Variants in COL16A1 observed in about 807,000 individuals in gnomAD.
The protein encoded by COL16A1 is collagen type XVI alpha 1 chain, also known as collagen alpha-1(XVI) chain.
Under a neutral mutation model 266.3 loss-of-function variants are expected in COL16A1, and 189 were observed. That is an observed-to-expected ratio of 0.71 (90% CI 0.63 to 0.80). COL16A1 has a LOEUF of 0.80. COL16A1 is among the 30% of genes least tolerant of loss of function. The pLI, the probability that COL16A1 is intolerant of heterozygous loss-of-function variation, is 0.00. For missense variants in COL16A1, 1,928 were observed against 2,122.4 expected (o/e 0.91, Z 1.80); for synonymous variants, 740 against 782.3 (o/e 0.95, Z 0.90).
Position 31,670,747 on chromosome 1 carries a change from C to A in COL16A1, c.3151-101G>T. 1.0e-6 allele frequency: 1 copy of A among 966,120 alleles called. No individual in the cohort carries two copies. Among genetic ancestry groups the A allele is most frequent in the South Asian group, 2.8e-5 (1 of 35,956 alleles). The allele number at this position is 966,120 out of a possible 1,614,324, so 59.8% of individuals were successfully genotyped here. The stretch of plus-strand genomic sequence containing the variant: ...CTTGGGGGTCATGGGGAGAGGAGGT[C>A]ATGGGAGTATTTTCAAGGCAGCTGG... On this transcript the variant is annotated intron_variant, in intron 48 of 70. Transcript: ENST00000373672. This position sits in a 1 kb window ranked among gnomAD's most constrained non-coding sequence, Gnocchi z 4.5.
At position 31,653,484 on chromosome 1, in the gene COL16A1, G is replaced by T. The variant is rs571964851; in HGVS notation, c.4612+115C>A. On this transcript the variant is annotated intron_variant, in intron 70 of 70. Transcript: ENST00000373672. ...CACACAGTGGCATTCCTATAAATGT[G>T]GTTGACTGGCCTGTCGTTATTTGGA... 163 of 1,239,140 alleles carry T rather than the reference G, an allele frequency of 1.3e-4. No homozygotes were observed. The African/African-American group carries it at 2.2e-3, about 17-fold the overall frequency. The allele number at this position is 1,239,140 out of a possible 1,614,324, so 76.8% of individuals were successfully genotyped here.
In COL16A1 at chr1:31,685,391, T is replaced by C. The variant is rs1353128935; in HGVS notation, c.2016+248A>G. On this transcript the variant is annotated intron_variant, in intron 29 of 70. Transcript: ENST00000373672. This position sits in a 1 kb window ranked among gnomAD's most constrained non-coding sequence, Gnocchi z 4.0. ...GACTTAGTAAGAAGCAAAGCTAAGA[T>C]TGGAACCCAGGTCTCTCTGCTCCTA... Among the ~76,000 whole-genome samples the C allele has an allele frequency of 6.6e-6, 1 of 152,166 alleles. No individual in the cohort carries two copies. Among genetic ancestry groups the C allele is most frequent in the Non-Finnish European group, 1.5e-5 (1 of 68,020 alleles).
Position 31,668,014 on chromosome 1 carries a change from G to A in COL16A1, c.3303+151C>T. On this transcript the variant is annotated intron_variant, in intron 51 of 70. Coordinates refer to ENST00000373672, the MANE Select transcript of COL16A1 (RefSeq NM_001856.4). This position sits in a 1 kb window ranked among gnomAD's most constrained non-coding sequence, Gnocchi z 5.8. ...GCCAAGGGGGCCTACAGTGGGGAGA[G>A]GGGGCTGCATGGACTTTAGGCAAAG... 3.1e-6 allele frequency: 2 copies of A among 655,424 alleles called. No individual in the cohort carries two copies. The highest frequency in any genetic ancestry group is 3.8e-5 in the South Asian group (2 of 52,032). The allele number at this position is 655,424 out of a possible 1,614,324, so 40.6% of individuals were successfully genotyped here. A position where few individuals can be genotyped will look rare whatever the true frequency, so the allele number is the denominator to read the frequency against.
chr1:31,700,101 G>C lies in COL16A1; in HGVS notation c.88C>G (p.Pro30Ala), dbSNP rs748475005. 54 of 1,614,076 alleles carry C rather than the reference G, an allele frequency of 3.3e-5. No homozygotes were observed. The highest frequency in any genetic ancestry group is 4.4e-5 in the Non-Finnish European group (52 of 1,180,044). ...HGANTGAQCP[P>A]SQQEGLKLEH... ...AATTTGAGTCCTTCCTGCTGTGAAGGTGGGCATTGTGCACCTAGAAGAGAA... is the reference window on the plus strand; with the variant it reads ...AATTTGAGTCCTTCCTGCTGTGAAGCTGGGCATTGTGCACCTAGAAGAGAA... Residue 30 changes from proline (P) to alanine (A), a missense_variant, in exon 3 of 71, where the codon CCT becomes GCT. Pro to Ala is a conservative substitution (Grantham distance 27). Coordinates refer to ENST00000373672, the MANE Select transcript of COL16A1 (RefSeq NM_001856.4).
chr1:31,681,083 C>G lies in COL16A1; in HGVS notation c.2539-16G>C, dbSNP rs769594635. ...CATCACGGCCCTGAAGAGAGAGAGC[C>G]CAGAGTCAGAGGGTGAGACTGGGCA... On this transcript the variant is annotated splice_polypyrimidine_tract_variant and intron_variant, in intron 37 of 70. Coordinates refer to ENST00000373672, the MANE Select transcript of COL16A1 (RefSeq NM_001856.4). The G allele has an allele frequency of 6.2e-6, 10 of 1,608,374 alleles. No individual in the cohort carries two copies. The South Asian group carries it at 1.1e-4, about 18-fold the overall frequency.
In COL16A1 at chr1:31,689,066, C is replaced by G. The variant is rs1461828877; in HGVS notation, c.1640G>C (p.Gly547Ala). 1 of 1,613,908 alleles carries G rather than the reference C, an allele frequency of 6.2e-7. No homozygotes were observed. The highest frequency in any genetic ancestry group is 8.5e-7 in the Non-Finnish European group (1 of 1,180,014). ...TTCCCTCACCTTCTCTCCTTTGATGCCTTGGATGCCAGGGTCTCCCTGCAG... is the reference window on the plus strand; with the variant it reads ...TTCCCTCACCTTCTCTCCTTTGATGGCTTGGATGCCAGGGTCTCCCTGCAG... Reference protein sequence around the residue: ...VPARGDPGIQGIKGEKGEPCL... With the variant: ...VPARGDPGIQAIKGEKGEPCL... The change falls in exon 24 of 71, where the codon GGC (glycine) becomes GCC (alanine). Residue 547 changes from glycine to alanine, a missense_variant. Gly to Ala is a moderately conservative substitution (Grantham distance 60, BLOSUM62 0). Transcript: ENST00000373672.
At chr1:31,662,082 G>A (rs1641719735) in intron 58 of COL16A1, among the ~76,000 whole-genome samples, 1 of 152,126 alleles carries the variant, frequency 6.6e-6, no homozygotes, top group South Asian at 2.1e-4. Context: ...CATACATCAT[G>A]CCTTCACCAT....
In COL16A1 at chr1:31,692,586, T is replaced by C. The variant is rs769373227; in HGVS notation, c.1158+12A>G. On this transcript the variant is annotated intron_variant, in intron 15 of 70. Coordinates refer to ENST00000373672, the MANE Select transcript of COL16A1 (RefSeq NM_001856.4). ...CCCACCATCCCTGCCCTATCCCTGG[T>C]CCCACACTCACCAGAGCTCCTGACT... 11 of 1,613,956 alleles carry C rather than the reference T, an allele frequency of 6.8e-6. No homozygotes were observed. The highest frequency in any genetic ancestry group is 9.3e-6 in the Non-Finnish European group (11 of 1,179,984).
Position 31,657,278 on chromosome 1 carries a change from C to G in COL16A1, c.4021-210G>C. ...GTGATCCCAGAGCCCCAACAGCTCC[C>G]AGCCCCCGTCTACAAGAGCTTTACA... On this transcript the variant is annotated intron_variant, in intron 64 of 70. Coordinates refer to ENST00000373672, the MANE Select transcript of COL16A1 (RefSeq NM_001856.4). The surrounding 1 kb of genome is among the most constrained non-coding windows in gnomAD (Gnocchi z 6.4). 1 of 606,418 alleles carries G rather than the reference C, an allele frequency of 1.6e-6. No homozygotes were observed. The highest frequency in any genetic ancestry group is 2.8e-5 in the East Asian group (1 of 36,258). The allele number at this position is 606,418 out of a possible 1,614,324, so 37.6% of individuals were successfully genotyped here.
At chr1:31,659,128 C>T (rs1232723818) in intron 62 of COL16A1, among the ~76,000 whole-genome samples, 164 bp from the exon 63 acceptor site, 1 of 152,222 alleles carries the variant, frequency 6.6e-6, no homozygotes, top group Admixed American at 6.5e-5. Context: ...ACAAGATTTG[C>T]GCCCAGAGCT....
In COL16A1 at chr1:31,690,541, AG is replaced by A. The variant is rs1557680737; in HGVS notation, c.1469del (p.Pro490LeufsTer10). ...GSSGIPGKEG[P>X]GGKPGKPGVK... ...TGGTGTCACTCACAGGTTTCCCACCAGGGCCTTCCTTTCCTGGGATCCCCGA... is the reference window on the plus strand; with the variant it reads ...TGGTGTCACTCACAGGTTTCCCACCAGGCCTTCCTTTCCTGGGATCCCCGA... On this transcript the variant is annotated frameshift_variant, in exon 21 of 71. Transcript: ENST00000373672. LOFTEE classifies it high-confidence loss of function. 2.5e-6 allele frequency: 4 copies of A among 1,613,788 alleles called. No individual in the cohort carries two copies. The highest frequency in any genetic ancestry group is 3.4e-6 in the Non-Finnish European group (4 of 1,179,890).
At chr1:31,674,022 G>A (rs1392069349) in intron 44 of COL16A1, among the ~76,000 whole-genome samples, 1 of 152,206 alleles carries the variant, frequency 6.6e-6, no homozygotes, top group Admixed American at 6.5e-5. Context: ...GAAGAGCTGG[G>A]GGTTTCGTTG....
intron 42 of COL16A1, chr1:31,679,418 C>T: frequency 6.4e-7 from 1 of 1,561,218 alleles, no homozygotes; most frequent in Non-Finnish European, 8.7e-7. Context: ...CGCAACAGTG[C>T]ATTGCTTGAA....
intron 21 of COL16A1, 24 bp from the exon 22 acceptor site, chr1:31,690,417 A>T: frequency 6.2e-7 from 1 of 1,614,182 alleles, no homozygotes; most frequent in Non-Finnish European, 8.5e-7. Context: ...GGCAATGGGC[A>T]TCAGTGCCAG....
At chr1:31,694,112 A>G in intron 12 of COL16A1, 32 bp downstream of exon 12, 1 of 1,595,532 alleles carries the variant, frequency 6.3e-7, no homozygotes, top group Non-Finnish European at 8.6e-7. Context: ...GCTAAAGAGG[A>G]CGGGAATGTC....
At chr1:31,680,986 G>A (rs776336689) in intron 38 of COL16A1, 37 bp downstream of exon 38, 2 of 1,613,924 alleles carry the variant, frequency 1.2e-6, no homozygotes, top group Non-Finnish European at 1.7e-6. Flanking sequence ...GGCAGGGCCG[G>A]CCATGGCTTC....
intron 23 of COL16A1, 108 bp downstream of exon 23, chr1:31,689,633 A>C: frequency 1.2e-6 from 1 of 839,858 alleles, no homozygotes; most frequent in Non-Finnish European, 2.0e-6. Flanking sequence ...ATCTCTCTGT[A>C]GCCACGAGAA....
chr1:31,696,662 C>T (rs1207250573), intron 8 of COL16A1, among the ~76,000 whole-genome samples: 1 of 152,190 alleles, frequency 6.6e-6, no homozygotes, highest in Non-Finnish European at 1.5e-5. Flanking sequence ...CAAGCCTGGT[C>T]CTGCCCTCAT....
chr1:31,659,347 G>A (rs1275616778), intron 62 of COL16A1, among the ~76,000 whole-genome samples: 1 of 152,154 alleles, frequency 6.6e-6, no homozygotes, highest in Non-Finnish European at 1.5e-5. Flanking sequence ...TTCTATGGAG[G>A]AGGGAAGACC....
Sources: allele counts gnomAD v4.1 joint callset (sites outside exome capture counted in the v4.1 genomes callset), GRCh38; gene constraint gnomAD v4.1.1; non-coding constraint Gnocchi (gnomAD v3.1); transcripts MANE v1.5; gene names NCBI Gene and HGNC (gene_info 2026-07-23, HGNC 2026-07-21).